The following IRAK1BP1 variants were observed in gnomAD, a reference collection of about 807,000 sequenced individuals.
IRAK1BP1 encodes interleukin 1 receptor associated kinase 1 binding protein 1, also known as interleukin-1 receptor-associated kinase 1-binding protein 1.
Under a neutral mutation model 28.0 loss-of-function variants are expected in IRAK1BP1, and 24 were observed. The ratio of observed to expected loss-of-function variants is 0.86; its 90% CI spans 0.62 to 1.20. The LOEUF (loss-of-function observed/expected upper bound fraction) is 1.20, where lower values mean the gene tolerates loss of function less well. Among genes scored for constraint, IRAK1BP1 ranks in the 50% most tolerant of loss-of-function variants. The pLI is 0.00. For synonymous variants in IRAK1BP1, 131 were observed against 116.3 expected (o/e 1.13, Z -0.81); for missense variants, 336 against 316.7 (o/e 1.06, Z -0.46).
chr6:78,947,000 C>G (rs983186266), downstream of IRAK1BP1: 7 of 534,798 alleles, frequency 1.3e-5, no homozygotes, highest in Admixed American at 4.2e-5. Flanking sequence ...TTTTTACATC[C>G]CTTTTTCCTA....
At chr6:78,971,658 T>A in the IRAK1BP1 span, among the ~76,000 whole-genome samples, 94 of 152,002 alleles carry the variant, frequency 6.2e-4, 1 homozygote, top group South Asian at 7.9e-3. Context: ...TGGGCGCAGG[T>A]CAGTGGGTGC....
At chr6:78,931,101 GAT>G (rs1267040905) in intron 4 of IRAK1BP1, among the ~76,000 whole-genome samples, 1 of 152,026 alleles carries the variant, frequency 6.6e-6, no homozygotes, top group East Asian at 1.9e-4. Flanking sequence ...GAAAAAATGA[GAT>G]AAAAATTTCA....
downstream of IRAK1BP1, chr6:78,947,638 T>C (rs1773898903): frequency 2.1e-6 from 3 of 1,440,350 alleles, no homozygotes; most frequent in East Asian, 6.9e-5. Flanking sequence ...ATCTTTTGCT[T>C]GGTGTATATG....
At chr6:78,941,227 T>C (rs1773485288) in intron 4 of IRAK1BP1, 1 of 1,613,982 alleles carries the variant, frequency 6.2e-7, no homozygotes, top group Non-Finnish European at 8.5e-7. Flanking sequence ...TAACTTCTAC[T>C]TTAGGTTTCC....
At chr6:78,945,655 T>G in exon 5 of IRAK1BP1, 2 of 637,454 alleles carry the variant, frequency 3.1e-6, no homozygotes, top group South Asian at 4.0e-5. Context: ...AAAAGGCGTA[T>G]CCAACTAGAA....
chr6:78,900,256 G>T lies in IRAK1BP1; in HGVS notation c.*1922G>T, dbSNP rs150110399. 1 of 152,190 alleles carries T rather than the reference G, an allele frequency of 6.6e-6. No homozygotes were observed. The highest frequency in any genetic ancestry group is 2.4e-5 in the African/African-American group (1 of 41,430). The allele number at this position is 152,190 out of a possible 1,614,324, so 9.4% of individuals were successfully genotyped here. A position where few individuals can be genotyped will look rare whatever the true frequency, so the allele number is the denominator to read the frequency against. On this transcript the variant is annotated 3_prime_UTR_variant, in exon 4 of 4. Coordinates refer to ENST00000369940, the MANE Select transcript of IRAK1BP1 (RefSeq NM_001010844.4). ...CAAGTATGTATTACTGCTATCTACA[G>T]TAAGAATTACATTTTATCTACAGGC...
At chr6:78,958,604 A>T in the IRAK1BP1 span, 1 of 1,529,398 alleles carries the variant, frequency 6.5e-7, no homozygotes. Context: ...AACCCGCCTT[A>T]AAAAAACAAA....
At chr6:78,973,108 T>C in the IRAK1BP1 span, among the ~76,000 whole-genome samples, 5 of 151,716 alleles carry the variant, frequency 3.3e-5, no homozygotes, top group Non-Finnish European at 7.4e-5. Flanking sequence ...AAGGAAAAAA[T>C]GTTAAGGGCA....
chr6:78,967,196 A>T, the IRAK1BP1 span, among the ~76,000 whole-genome samples: 5 of 152,228 alleles, frequency 3.3e-5, no homozygotes, highest in African/African-American at 1.2e-4. Context: ...AGAATATGAT[A>T]AAAAAGAAAA....
the IRAK1BP1 span, among the ~76,000 whole-genome samples, chr6:78,967,705 A>G: frequency 6.6e-6 from 1 of 152,208 alleles, no homozygotes; most frequent in East Asian, 1.9e-4. Context: ...ATGCTCATTC[A>G]TTTTAATTCT....
intron 4 of IRAK1BP1, among the ~76,000 whole-genome samples, chr6:78,919,421 A>T (rs1456724689): frequency 2.0e-5 from 3 of 152,212 alleles, no homozygotes; most frequent in African/African-American, 7.2e-5. Flanking sequence ...CTTTGAAAGG[A>T]TAAACAAGAT....
chr6:78,919,243 A>C (rs571913857), intron 4 of IRAK1BP1, among the ~76,000 whole-genome samples: 1 of 152,294 alleles, frequency 6.6e-6, no homozygotes, highest in East Asian at 1.9e-4. Context: ...TCAATGAGTT[A>C]GAAAGATCTC....
At chr6:78,935,623 G>GT in intron 4 of IRAK1BP1, 2 of 981,874 alleles carry the variant, frequency 2.0e-6, no homozygotes, top group Non-Finnish European at 2.4e-6. Context: ...AGGCATATAA[G>GT]TTTTTGACCT....
downstream of IRAK1BP1, among the ~76,000 whole-genome samples, chr6:78,908,030 TTTTA>T (rs528275854): frequency 0.076 from 11,297 of 147,792 alleles, 567 homozygotes; most frequent in African/African-American, 0.14. Flanking sequence ...TTATTTTTTA[TTTTA>T]TTTATTTATT....
Position 78,885,362 on chromosome 6 carries a change from A to G in IRAK1BP1, c.316-16A>G. ...AAATATTTAGTAATCATACTCTTGG[A>G]CTTTTTCTGTTTCAGGCAGAAAATA... On this transcript the variant is annotated splice_polypyrimidine_tract_variant and intron_variant, in intron 1 of 3. Coordinates refer to ENST00000369940, the MANE Select transcript of IRAK1BP1 (RefSeq NM_001010844.4). The G allele has an allele frequency of 6.7e-7, 1 of 1,485,504 alleles. No homozygotes were observed. Among genetic ancestry groups the G allele is most frequent in the South Asian group, 1.2e-5 (1 of 85,312 alleles). The allele number at this position is 1,485,504 out of a possible 1,614,324, so 92.0% of individuals were successfully genotyped here.
At chr6:78,878,728 A>G (rs1406284277) in intron 1 of IRAK1BP1, among the ~76,000 whole-genome samples, 1 of 152,214 alleles carries the variant, frequency 6.6e-6, no homozygotes, top group Non-Finnish European at 1.5e-5. Context: ...GTTCAGACCC[A>G]TTGCAAAGAA....
At chr6:78,948,795 G>T (rs567669236), downstream of IRAK1BP1, among the ~76,000 whole-genome samples, 1 of 152,260 alleles carries the variant, frequency 6.6e-6, no homozygotes, top group South Asian at 2.1e-4. Flanking sequence ...CACCTGGCCT[G>T]CAGCTTTTCA....
chr6:78,869,084 T>C (rs775050369), intron 1 of IRAK1BP1, among the ~76,000 whole-genome samples: 4 of 152,228 alleles, frequency 2.6e-5, no homozygotes, highest in Admixed American at 2.0e-4. Flanking sequence ...CAGATAATTA[T>C]AAATAATGTG....
At chr6:78,880,668 A>G (rs9359354) in intron 1 of IRAK1BP1, among the ~76,000 whole-genome samples, 68,289 of 152,034 alleles carry the variant, frequency 0.45, 16,003 homozygotes, top group East Asian at 0.69. Context: ...AAGAACATAT[A>G]TAGACCTCAA....
Sources: gnomAD v4.1 joint callset for allele counts (sites outside exome capture counted in the v4.1 genomes callset) on GRCh38, gnomAD v4.1.1 for gene constraint, MANE v1.5 for transcripts, NCBI Gene and HGNC (gene_info 2026-07-23, HGNC 2026-07-21) for gene names.